The following TPD52 variants were observed in gnomAD, a reference collection of about 807,000 sequenced individuals.
TPD52 encodes the protein tumor protein D52.
Under a neutral mutation model 31.3 loss-of-function variants are expected in TPD52, and 17 were observed. The ratio of observed to expected loss-of-function variants is 0.54; its 90% CI spans 0.37 to 0.82. The LOEUF (loss-of-function observed/expected upper bound fraction) is 0.82. Ranked by LOEUF, TPD52 falls within the 40% of genes least tolerant of loss-of-function variation. The pLI is 0.00. For missense variants in TPD52, 212 were observed against 240.1 expected (o/e 0.88, Z 0.77); for synonymous variants, 83 against 89.6 (o/e 0.93, Z 0.42).
intron 1 of TPD52, among the ~76,000 whole-genome samples, chr8:80,093,949 C>CCG (rs34570043): frequency 6.6e-6 from 1 of 151,860 alleles, no homozygotes; most frequent in South Asian, 2.1e-4. Context: ...AGCTTCAAAA[C>CCG]TTTCTTTGCC....
chr8:80,086,257 T>C (rs749676403), intron 1 of TPD52, among the ~76,000 whole-genome samples: 6 of 151,502 alleles, frequency 4.0e-5, no homozygotes, highest in Non-Finnish European at 8.8e-5. Flanking sequence ...TAGCTGGGAC[T>C]ACAAGCGCAC....
chr8:80,145,599 G>T lies in TPD52; in HGVS notation c.19+25826C>A, dbSNP rs1810138968. 2.6e-5 allele frequency among the ~76,000 whole-genome samples: 4 copies of T among 152,242 alleles called. No homozygotes were observed. In the Middle Eastern group the frequency reaches 0.01, roughly 388 times the overall value. Reference sequence around the variant, plus strand: ...TCTTTCAGGAGTACTGCACATTCCGGGCCCACTTCATGCCCCAGAAGTTAC... The same window carrying T: ...TCTTTCAGGAGTACTGCACATTCCGTGCCCACTTCATGCCCCAGAAGTTAC... On this transcript the variant is annotated intron_variant, in intron 1 of 7. Transcript: ENST00000518937.
intron 1 of TPD52, among the ~76,000 whole-genome samples, chr8:80,092,232 C>A (rs1045167559): frequency 6.6e-6 from 1 of 152,108 alleles, no homozygotes; most frequent in African/African-American, 2.4e-5. Flanking sequence ...CTATGGTCAT[C>A]CTACACTGCT....
intron 1 of TPD52, among the ~76,000 whole-genome samples, chr8:80,141,640 G>A (rs576459473): frequency 1.5e-4 from 23 of 152,280 alleles, no homozygotes; most frequent in African/African-American, 5.3e-4. Flanking sequence ...GGCTGGGCGC[G>A]GGGGCTCACG....
At chr8:80,077,339 A>T (rs1814696873) in intron 1 of TPD52, among the ~76,000 whole-genome samples, 1 of 152,072 alleles carries the variant, frequency 6.6e-6, no homozygotes, top group Admixed American at 6.5e-5. Flanking sequence ...TTGGGATATT[A>T]TCCTTAAGGG....
At chr8:80,153,149 C>G (rs979637280) in intron 1 of TPD52, among the ~76,000 whole-genome samples, 1 of 152,174 alleles carries the variant, frequency 6.6e-6, no homozygotes, top group Non-Finnish European at 1.5e-5. Context: ...GGTTTCTCCA[C>G]TAAGGTTATG....
intron 1 of TPD52, among the ~76,000 whole-genome samples, chr8:80,102,061 G>A (rs1806783843): frequency 6.6e-6 from 1 of 152,220 alleles, no homozygotes; most frequent in Non-Finnish European, 1.5e-5. Context: ...ACTCACAATA[G>A]GAATTGCAGC....
At position 80,053,263 on chromosome 8, in the gene TPD52, T is replaced by A. The variant is rs1432325685; in HGVS notation, c.284+19A>T. On this transcript the variant is annotated intron_variant, in intron 3 of 7. Coordinates refer to ENST00000518937, the MANE Select transcript of TPD52 (RefSeq NM_001025253.3). ...GTCCTTTACACTCCCAAGGAAAGTG[T>A]ATGATCAAGGAAACATACGCAGATG... 7.4e-6 allele frequency: 12 copies of A among 1,612,106 alleles called. No individual in the cohort carries two copies. The highest frequency in any genetic ancestry group is 1.3e-5 in the African/African-American group (1 of 74,858).
At chr8:80,069,011 T>C (rs1261657367) in intron 1 of TPD52, among the ~76,000 whole-genome samples, 1 of 152,154 alleles carries the variant, frequency 6.6e-6, no homozygotes, top group African/African-American at 2.4e-5. Flanking sequence ...ATCAATAGAA[T>C]AGACATAGAT....
At chr8:80,148,317 A>AGTGTGTGTGTGTGTGTGTGTGTGTGTGT (rs34231994) in intron 1 of TPD52, among the ~76,000 whole-genome samples, 32 of 143,994 alleles carry the variant, frequency 2.2e-4, no homozygotes, top group African/African-American at 7.9e-4. Flanking sequence ...TTCCTGGCTA[A>AGTGTGTGTGTGTGTGTGTGTGTGTGTGT]GTGTGTGTGT....
Position 80,051,639 on chromosome 8 carries a change from T to C in TPD52, c.285-11A>G, listed in dbSNP as rs2130529907. 4 of 1,580,856 alleles carry C rather than the reference T, an allele frequency of 2.5e-6. No individual in the cohort carries two copies. The highest frequency in any genetic ancestry group is 3.4e-6 in the Non-Finnish European group (4 of 1,166,106). ...GATGTCTTCTTGTAACTATATTAAA[T>C]TATAAACACACAGAGCAAAAGAAGG... On this transcript the variant is annotated splice_polypyrimidine_tract_variant and intron_variant, in intron 3 of 7. Coordinates refer to ENST00000518937, the MANE Select transcript of TPD52 (RefSeq NM_001025253.3).
chr8:80,154,557 C>G (rs1810797942), intron 1 of TPD52, among the ~76,000 whole-genome samples: 1 of 152,112 alleles, frequency 6.6e-6, no homozygotes, highest in Non-Finnish European at 1.5e-5. Flanking sequence ...ACCTTTGAAT[C>G]AAGAAAAGGG....
intron 1 of TPD52, among the ~76,000 whole-genome samples, chr8:80,085,229 C>G (rs541816139): frequency 6.6e-6 from 1 of 152,344 alleles, no homozygotes; most frequent in African/African-American, 2.4e-5. Flanking sequence ...AAGGGCAGTT[C>G]AGAAGTCAAC....
intron 1 of TPD52, among the ~76,000 whole-genome samples, chr8:80,137,419 AT>A (rs11349154): frequency 0.47 from 70,737 of 151,238 alleles, 16,751 homozygotes; most frequent in East Asian, 0.77. Context: ...TATATGTTAG[AT>A]TTTTTTTTTA....
chr8:80,112,667 T>A (rs1468786703), intron 1 of TPD52, among the ~76,000 whole-genome samples: 1 of 152,042 alleles, frequency 6.6e-6, no homozygotes, highest in Non-Finnish European at 1.5e-5. Flanking sequence ...TGGAAAAAAA[T>A]TTCACTTCCA....
intron 2 of TPD52, among the ~76,000 whole-genome samples, chr8:80,058,062 A>G (rs1812094640): frequency 3.3e-5 from 5 of 152,308 alleles, no homozygotes; most frequent in Admixed American, 2.6e-4. Context: ...GTCTATAGAC[A>G]TTAGGTGCTA....
intron 2 of TPD52, among the ~76,000 whole-genome samples, chr8:80,060,144 C>CA (rs1812356927): frequency 1.5e-5 from 2 of 135,760 alleles, no homozygotes; most frequent in Admixed American, 7.3e-5. Flanking sequence ...CTAGACTGAC[C>CA]GAAAAAAAAA....
chr8:80,093,280 A>G (rs2130892791), intron 1 of TPD52, among the ~76,000 whole-genome samples: 1 of 152,108 alleles, frequency 6.6e-6, no homozygotes, highest in Non-Finnish European at 1.5e-5. Context: ...TTGAGAGTAC[A>G]GTGGTCTCTA....
At chr8:80,091,824 A>T (rs571091596) in intron 1 of TPD52, among the ~76,000 whole-genome samples, 1 of 152,088 alleles carries the variant, frequency 6.6e-6, no homozygotes, top group South Asian at 2.1e-4. Flanking sequence ...GGAGCCCAAG[A>T]CTCTTGCTTT....
Sources: allele counts gnomAD v4.1 joint callset (sites outside exome capture counted in the v4.1 genomes callset), GRCh38; gene constraint gnomAD v4.1.1; transcripts MANE v1.5; gene names NCBI Gene and HGNC (gene_info 2026-07-23, HGNC 2026-07-21).